TRAPPC12: variants seen among roughly 807,000 people sequenced by gnomAD.
The protein encoded by TRAPPC12 is trafficking protein particle complex subunit 12, also known as TPR repeat protein 15.
In TRAPPC12, 61 loss-of-function variants were observed where a neutral mutation model predicts 69.2. The observed-to-expected ratio is 0.88, with a 90% confidence interval of 0.72 to 1.09. The LOEUF is 1.09. Among genes scored for constraint, TRAPPC12 ranks in the 50% least tolerant of loss-of-function variants. TRAPPC12 has a pLI of 0.00. For synonymous variants in TRAPPC12, 469 were observed against 438.9 expected, an observed-to-expected ratio of 1.07 and a Z score of -0.86; for missense variants, 1,101 against 1,016.4, an observed-to-expected ratio of 1.08 and a Z score of -1.13.
chr2:3,409,165 T>C (rs1661898959), intron 3 of TRAPPC12, among the ~76,000 whole-genome samples: 1 of 152,332 alleles, frequency 6.6e-6, no homozygotes, highest in South Asian at 2.1e-4. Context: ...CCTGTGACCA[T>C]GCAGTAGCCA....
chr2:3,401,868 C>T lies in TRAPPC12; in HGVS notation c.1139C>T (p.Ser380Phe), dbSNP rs1661463134. ...QVLNADSVEQ[S>F]FVGLKQLISC... ...CTAAATGCCGACTCAGTGGAACAAT[C>T]TTTTGTTGGATTGAAACAGCTAATC... The change falls in exon 3 of 12, where the codon TCT becomes TTT. Residue 380 changes from serine to phenylalanine, a missense_variant. Coordinates refer to ENST00000324266, the MANE Select transcript of TRAPPC12 (RefSeq NM_016030.6). 1.3e-6 allele frequency: 2 copies of T among 1,591,110 alleles called. No homozygotes were observed. Among genetic ancestry groups the T allele is most frequent in the South Asian group, 2.3e-5 (2 of 86,536 alleles).
intron 1 of TRAPPC12, among the ~76,000 whole-genome samples, chr2:3,382,130 CTTTTT>C (rs70938942): frequency 3.2e-5 from 3 of 93,592 alleles, no homozygotes; most frequent in African/African-American, 4.3e-5. Flanking sequence ...TTTATTTCCA[CTTTTT>C]TTTTTTTTTT....
chr2:3,449,086 A>G (rs1266779818), intron 6 of TRAPPC12: 1 of 152,244 alleles, frequency 6.6e-6, no homozygotes. Context: ...TGATTGCATC[A>G]GTGAAGAAGA....
intron 3 of TRAPPC12, among the ~76,000 whole-genome samples, chr2:3,408,300 T>G (rs1661842183): frequency 6.6e-6 from 1 of 152,184 alleles, no homozygotes; most frequent in South Asian, 2.1e-4. Flanking sequence ...CATTGTTGAT[T>G]CGAACGTGAA....
chr2:3,429,213 A>G (rs902465721), intron 5 of TRAPPC12, among the ~76,000 whole-genome samples: 2 of 152,184 alleles, frequency 1.3e-5, no homozygotes, highest in Non-Finnish European at 2.9e-5. Flanking sequence ...TCCCTGCAGG[A>G]CACACTTAAA....
chr2:3,476,679 A>G (rs901887267), intron 9 of TRAPPC12, among the ~76,000 whole-genome samples: 3 of 152,206 alleles, frequency 2.0e-5, no homozygotes, highest in African/African-American at 7.2e-5. Flanking sequence ...AGAAGTTAGC[A>G]GGCTTGTTTT....
At chr2:3,420,653 G>A (rs1025775051) in intron 3 of TRAPPC12, among the ~76,000 whole-genome samples, 2 of 152,154 alleles carry the variant, frequency 1.3e-5, no homozygotes, top group Admixed American at 6.5e-5. Flanking sequence ...TGGAATTGGA[G>A]CAGGTCGTTA....
rs955803198 is a variant in TRAPPC12, at chr2:3,478,775, C to T, written c.1878-71C>T. Reference sequence around the variant, plus strand: ...TGGGTCTCTGTGGGATCCAAAGCCCCTGTGGGTTGTGTTGGGGGACAGCAG... The same window carrying T: ...TGGGTCTCTGTGGGATCCAAAGCCCTTGTGGGTTGTGTTGGGGGACAGCAG... On this transcript the variant is annotated intron_variant, in intron 10 of 11. Coordinates refer to ENST00000324266, the MANE Select transcript of TRAPPC12 (RefSeq NM_016030.6). 5 of 1,382,868 alleles carry T rather than the reference C, an allele frequency of 3.6e-6. No homozygotes were observed. The South Asian group carries it at 4.7e-5, about 13-fold the overall frequency. 85.7% of individuals were successfully genotyped at this position (1,382,868 alleles called of 1,614,324 possible).
At chr2:3,420,065 G>A (rs1345630130) in intron 3 of TRAPPC12, among the ~76,000 whole-genome samples, 2 of 152,180 alleles carry the variant, frequency 1.3e-5, no homozygotes, top group Admixed American at 6.5e-5. Context: ...ACAAGAATCT[G>A]CCCAAAGATG....
Position 3,457,689 on chromosome 2 carries a change from A to G in TRAPPC12, c.1599A>G (p.Arg533=), listed in dbSNP as rs778754328. 1 of 1,610,644 alleles carries G rather than the reference A, an allele frequency of 6.2e-7. No individual in the cohort carries two copies. The highest frequency in any genetic ancestry group is 8.5e-7 in the Non-Finnish European group (1 of 1,179,976). The part of the protein sequence containing the change: ...GGMSSVTQEG[R]QASIRLWRSR... ...TGAGCAGCGTGACTCAGGAGGGCAG[A>G]CAAGGTGGGTCGGCCGGACTTTGCT... is the stretch of plus-strand genomic sequence containing the variant. Residue 533 remains arginine (R), a synonymous_variant, in exon 7 of 12, where the codon AGA becomes AGG. Coordinates refer to ENST00000324266, the MANE Select transcript of TRAPPC12 (RefSeq NM_016030.6).
At chr2:3,425,394 A>T (rs1424835448) in intron 5 of TRAPPC12, among the ~76,000 whole-genome samples, 1 of 152,192 alleles carries the variant, frequency 6.6e-6, no homozygotes, top group African/African-American at 2.4e-5. Flanking sequence ...CCCTGTTGTC[A>T]GGCATCCCCA....
intron 4 of TRAPPC12, among the ~76,000 whole-genome samples, chr2:3,422,961 C>A (rs1012844389): frequency 6.6e-6 from 1 of 152,244 alleles, no homozygotes; most frequent in Non-Finnish European, 1.5e-5. Flanking sequence ...AAACTGTGCC[C>A]GGCGCAGTGG....
At chr2:3,435,143 G>A (rs943922373) in intron 5 of TRAPPC12, among the ~76,000 whole-genome samples, 53 of 152,330 alleles carry the variant, frequency 3.5e-4, no homozygotes, top group African/African-American at 1.2e-3. Context: ...CTCCCGAGTA[G>A]CTGAGATTAT....
rs987914291 is a variant in TRAPPC12 at position 3,478,355 on chromosome 2, G to A, written c.1878-491G>A. Among the ~76,000 whole-genome samples the A allele has an allele frequency of 4.6e-5, 7 of 152,316 alleles. No individual in the cohort carries two copies. In the South Asian group the frequency reaches 8.3e-4, roughly 18 times the overall value. On this transcript the variant is annotated intron_variant, in intron 10 of 11. Coordinates refer to ENST00000324266, the MANE Select transcript of TRAPPC12 (RefSeq NM_016030.6). ...TAACAAAAACTAGAGTGGCTTGGCCGGGTGCAGTGGCTCATGCCTGTAATC... is the reference window on the plus strand; with the variant it reads ...TAACAAAAACTAGAGTGGCTTGGCCAGGTGCAGTGGCTCATGCCTGTAATC...
chr2:3,415,225 C>T (rs1276154971), intron 3 of TRAPPC12, among the ~76,000 whole-genome samples: 1 of 152,216 alleles, frequency 6.6e-6, no homozygotes, highest in African/African-American at 2.4e-5. Flanking sequence ...ACGTGCCATT[C>T]TGTTTCTCAC....
chr2:3,434,625 C>T (rs1191664940), intron 5 of TRAPPC12, among the ~76,000 whole-genome samples: 5 of 152,192 alleles, frequency 3.3e-5, no homozygotes, highest in Admixed American at 3.3e-4. Context: ...TTTGCGTCTA[C>T]CTGGGAGAGC....
At chr2:3,453,734 A>G (rs948158066) in intron 6 of TRAPPC12, among the ~76,000 whole-genome samples, 21 of 152,218 alleles carry the variant, frequency 1.4e-4, no homozygotes, top group Non-Finnish European at 1.0e-4. Context: ...AGGAAATTCC[A>G]GCCGCACCAC....
intron 6 of TRAPPC12, among the ~76,000 whole-genome samples, chr2:3,448,907 C>G (rs1664702155): frequency 6.6e-6 from 1 of 152,124 alleles, no homozygotes; most frequent in Non-Finnish European, 1.5e-5. Flanking sequence ...AAGACTGATT[C>G]GAGTCTGTGT....
At chr2:3,395,766 G>A (rs1661095857) in intron 2 of TRAPPC12, among the ~76,000 whole-genome samples, 2 of 147,592 alleles carry the variant, frequency 1.4e-5, no homozygotes, top group South Asian at 4.3e-4. Flanking sequence ...GTCTCACTCT[G>A]TCACTCAGGC....
Sources: allele counts gnomAD v4.1 joint callset (sites outside exome capture counted in the v4.1 genomes callset), GRCh38; gene constraint gnomAD v4.1.1; transcripts MANE v1.5; gene names NCBI Gene and HGNC (gene_info 2026-07-23, HGNC 2026-07-21).